Variants in PRKAR1B observed in about 807,000 individuals in gnomAD.
PRKAR1B encodes cAMP-dependent protein kinase type I-beta regulatory subunit.
A neutral mutation model predicts 46.5 loss-of-function variants in PRKAR1B; 22 were observed. That is an observed-to-expected ratio of 0.47 (90% confidence interval 0.34 to 0.68). The LOEUF (loss-of-function observed/expected upper bound fraction) is 0.68, where lower values mean the gene tolerates loss of function less well. PRKAR1B is among the 30% of genes least tolerant of loss of function. PRKAR1B has a pLI of 0.01. For missense variants in PRKAR1B, 445 were observed against 535.6 expected (o/e 0.83, Z 1.67); for synonymous variants, 259 against 217.7 (o/e 1.19, Z -1.67).
At chr7:630,452 T>A (rs1271936349) in intron 4 of PRKAR1B, among the ~76,000 whole-genome samples, 1 of 152,200 alleles carries the variant, frequency 6.6e-6, no homozygotes, top group Non-Finnish European at 1.5e-5. Context: ...TCAGCCTGCA[T>A]CTGAGGCCTG....
intron 4 of PRKAR1B, among the ~76,000 whole-genome samples, chr7:675,548 AAT>A (rs1165143894): frequency 2.0e-5 from 3 of 152,254 alleles, no homozygotes; most frequent in Admixed American, 2.0e-4. Context: ...GAGAATTTTC[AAT>A]ATGTTACACA....
At chr7:555,486 C>T (rs978237411) in intron 9 of PRKAR1B, among the ~76,000 whole-genome samples, 7 of 152,192 alleles carry the variant, frequency 4.6e-5, no homozygotes, top group African/African-American at 9.7e-5. Context: ...ACTCTTCACA[C>T]GCCCTGATAG....
intron 1 of PRKAR1B, among the ~76,000 whole-genome samples, chr7:722,248 C>G (rs1781100895): frequency 6.6e-6 from 1 of 151,942 alleles, no homozygotes; most frequent in South Asian, 2.1e-4. Context: ...ATTACAGGTA[C>G]CCACCACCAC....
At chr7:580,806 G>C (rs1378853047) in intron 8 of PRKAR1B, among the ~76,000 whole-genome samples, 1 of 150,606 alleles carries the variant, frequency 6.6e-6, no homozygotes, top group Admixed American at 6.6e-5. Flanking sequence ...TACCTATGTA[G>C]GTCAGAAGCT....
chr7:685,145 A>C (rs1273901187), intron 2 of PRKAR1B, among the ~76,000 whole-genome samples: 1 of 150,200 alleles, frequency 6.7e-6, no homozygotes, highest in African/African-American at 2.5e-5. Flanking sequence ...CAGTAGGAAG[A>C]TACAACATGA....
At chr7:723,679 G>C (rs887269713) in intron 1 of PRKAR1B, among the ~76,000 whole-genome samples, 3 of 152,224 alleles carry the variant, frequency 2.0e-5, no homozygotes, top group Non-Finnish European at 4.4e-5. Flanking sequence ...AGGGGTCCTT[G>C]AAAAATGCAG....
chr7:664,315 GCA>G (rs1221449761), intron 4 of PRKAR1B, among the ~76,000 whole-genome samples: 1 of 152,216 alleles, frequency 6.6e-6, no homozygotes, highest in African/African-American at 2.4e-5. Flanking sequence ...CCCCGACACA[GCA>G]CAGTGGCCAG....
chr7:671,632 T>G (rs1288847802), intron 4 of PRKAR1B, among the ~76,000 whole-genome samples: 1 of 152,072 alleles, frequency 6.6e-6, no homozygotes, highest in Non-Finnish European at 1.5e-5. Context: ...GTAATTTTTT[T>G]AAGAGATGGG....
intron 3 of PRKAR1B, 54 bp from the exon 4 acceptor site, chr7:677,374 C>T (rs71538104): frequency 0.092 from 140,158 of 1,516,112 alleles, 7,530 homozygotes; most frequent in Middle Eastern, 0.17. Context: ...GATGCTGTGA[C>T]GCGGCCTGAA....
At chr7:692,206 C>T (rs545478795) in intron 2 of PRKAR1B, among the ~76,000 whole-genome samples, 4 of 152,332 alleles carry the variant, frequency 2.6e-5, no homozygotes, top group African/African-American at 9.6e-5. Flanking sequence ...TCGAGACCAG[C>T]CTGACCAACA....
chr7:579,737 G>C (rs1290895138), intron 8 of PRKAR1B, among the ~76,000 whole-genome samples: 1 of 152,262 alleles, frequency 6.6e-6, no homozygotes, highest in Admixed American at 6.5e-5. Context: ...CAAAAGAATA[G>C]AGCTGCTTAC....
intron 1 of PRKAR1B, among the ~76,000 whole-genome samples, chr7:719,557 C>G (rs1024405356): frequency 6.6e-6 from 1 of 152,188 alleles, no homozygotes; most frequent in African/African-American, 2.4e-5. Context: ...TCAAGTGATT[C>G]TCCCGTCTCA....
At chr7:600,087 T>TCCTGACAAGACTGACA (rs1437880297) in intron 6 of PRKAR1B, among the ~76,000 whole-genome samples, 3 of 152,230 alleles carry the variant, frequency 2.0e-5, no homozygotes, top group Non-Finnish European at 4.4e-5. Context: ...AGAGCTTCAG[T>TCCTGACAAGACTGACA]TTAAGAAGAC....
rs144381100 is a variant in PRKAR1B at position 571,079 on chromosome 7, G to A, written c.891+8177C>T. Among the ~76,000 whole-genome samples the A allele has an allele frequency of 2.8e-3, 424 of 152,312 alleles. 10 individuals carry two copies. In the East Asian group the frequency reaches 0.05, roughly 18 times the overall value. On this transcript the variant is annotated intron_variant, in intron 9 of 10. Transcript: ENST00000537384. Reference sequence around the variant, plus strand: ...TATGGCTTAGGCCCCTGTGGCTCCGGCACTCCAGCAGAGCCTCCTCCAGAA... The same window carrying A: ...TATGGCTTAGGCCCCTGTGGCTCCGACACTCCAGCAGAGCCTCCTCCAGAA...
chr7:660,937 A>G (rs1273364165), intron 4 of PRKAR1B, among the ~76,000 whole-genome samples: 1 of 120,846 alleles, frequency 8.3e-6, no homozygotes, highest in Non-Finnish European at 1.7e-5. Flanking sequence ...CCCCAACCCA[A>G]CGGGTCCAAA....
intron 4 of PRKAR1B, among the ~76,000 whole-genome samples, chr7:659,155 C>A (rs1189987998): frequency 2.6e-5 from 4 of 152,170 alleles, no homozygotes; most frequent in Non-Finnish European, 5.9e-5. Flanking sequence ...CCACCCCCTG[C>A]ACCACCTTGT....
At chr7:663,717 A>G (rs915347907) in intron 4 of PRKAR1B, among the ~76,000 whole-genome samples, 5 of 152,112 alleles carry the variant, frequency 3.3e-5, no homozygotes, top group Non-Finnish European at 5.9e-5. Context: ...CGTGTGTCAG[A>G]TCCTCACCTG....
intron 6 of PRKAR1B, among the ~76,000 whole-genome samples, chr7:600,210 A>G (rs1322093376): frequency 1.3e-5 from 2 of 152,226 alleles, no homozygotes; most frequent in Non-Finnish European, 2.9e-5. Context: ...GTCTTTTACT[A>G]CAATTAAAGT....
chr7:625,228 A>G (rs1783319471), intron 4 of PRKAR1B, among the ~76,000 whole-genome samples: 1 of 152,252 alleles, frequency 6.6e-6, no homozygotes, highest in South Asian at 2.1e-4. Flanking sequence ...AAATGAAAAT[A>G]GAGCTTATCA....
Sources: allele counts gnomAD v4.1 joint callset (sites outside exome capture counted in the v4.1 genomes callset), GRCh38; gene constraint gnomAD v4.1.1; transcripts MANE v1.5; gene names NCBI Gene and HGNC (gene_info 2026-07-23, HGNC 2026-07-21).